Variants in SPHKAP observed in about 807,000 individuals in gnomAD.
SPHKAP encodes the protein A-kinase anchor protein SPHKAP.
Under a neutral mutation model 137.5 loss-of-function variants are expected in SPHKAP, and 67 were observed. The ratio of observed to expected loss-of-function variants is 0.49; its 90% confidence interval spans 0.40 to 0.60. The LOEUF (loss-of-function observed/expected upper bound fraction) is 0.60, where lower values mean the gene tolerates loss of function less well. SPHKAP is among the 20% of genes least tolerant of loss of function. SPHKAP has a pLI of 0.00. For missense variants in SPHKAP, 2,097 were observed against 2,069.3 expected, an observed-to-expected ratio of 1.01 and a Z score of -0.26; for synonymous variants, 813 against 785.3, an observed-to-expected ratio of 1.04 and a Z score of -0.59.
In SPHKAP at chr2:228,085,464, A is replaced by T. The variant is rs566536666; in HGVS notation, c.246+23368T>A. ...TGGAAAAAACGAACAGCATCAATAGACAATTTGGTCTTCTGTCCAGTTGGT... is the reference window on the plus strand; with the variant it reads ...TGGAAAAAACGAACAGCATCAATAGTCAATTTGGTCTTCTGTCCAGTTGGT... On this transcript the variant is annotated intron_variant, in intron 3 of 11. Coordinates refer to ENST00000392056, the MANE Select transcript of SPHKAP (RefSeq NM_001142644.2). Among the ~76,000 whole-genome samples the T allele has an allele frequency of 2.0e-5, 3 of 152,326 alleles. No homozygotes were observed. In the South Asian group the frequency reaches 6.2e-4, roughly 32 times the overall value.
At chr2:228,135,171 G>A (rs1699396588) in intron 1 of SPHKAP, among the ~76,000 whole-genome samples, 2 of 151,782 alleles carry the variant, frequency 1.3e-5, no homozygotes, top group African/African-American at 2.4e-5. Flanking sequence ...CTACTCAGGA[G>A]GCTGAGACAG....
intron 3 of SPHKAP, among the ~76,000 whole-genome samples, chr2:228,030,536 C>CAAAAAAAAAA (rs1263087267): frequency 4.8e-5 from 2 of 41,884 alleles, no homozygotes; most frequent in African/African-American, 1.2e-4. Flanking sequence ...AAAAAAACAA[C>CAAAAAAAAAA]AAAAAACAAA....
intron 11 of SPHKAP, among the ~76,000 whole-genome samples, chr2:227,984,015 G>A (rs1559332083): frequency 6.6e-6 from 1 of 152,116 alleles, no homozygotes; most frequent in Non-Finnish European, 1.5e-5. Flanking sequence ...TAGAATTTCA[G>A]AGAGGCTGGG....
Position 228,019,565 on chromosome 2 carries a change from G to C in SPHKAP, c.1289C>G (p.Pro430Arg). 1 of 1,614,146 alleles carries C rather than the reference G, an allele frequency of 6.2e-7. No individual in the cohort carries two copies. The highest frequency in any genetic ancestry group is 2.2e-5 in the East Asian group (1 of 44,884). ...TGTATCTTTTGTGGAATAGCAACTGGGAAGCAGAGAACTTCCTACAGAAAC... is the reference window on the plus strand; with the variant it reads ...TGTATCTTTTGTGGAATAGCAACTGCGAAGCAGAGAACTTCCTACAGAAAC... ...VSVSVGSSLLPSCYSTKDTVV... is the reference protein window; with the variant it reads ...VSVSVGSSLLRSCYSTKDTVV... Residue 430 changes from proline (P) to arginine (R), a missense_variant, in exon 7 of 12, where the codon CCC (proline) becomes CGC (arginine). By Grantham distance (103) the Pro-to-Arg change is moderately radical. Coordinates refer to ENST00000392056, the MANE Select transcript of SPHKAP (RefSeq NM_001142644.2).
In SPHKAP at chr2:228,007,250, T is replaced by C. The variant is rs77384095; in HGVS notation, c.4448+9156A>G. ...GTACGATACAATAATTTGATATATG[T>C]ATATACTGTGGAATGATTAAATTGG... is the stretch of plus-strand genomic sequence containing the variant. On this transcript the variant is annotated intron_variant, in intron 7 of 11. Coordinates refer to ENST00000392056, the MANE Select transcript of SPHKAP (RefSeq NM_001142644.2). Among the ~76,000 whole-genome samples, 603 of 152,318 alleles carry C rather than the reference T, an allele frequency of 4.0e-3. 4 individuals carry two copies. Among genetic ancestry groups the C allele is most frequent in the African/African-American group, 0.014 (563 of 41,574 alleles).
intron 3 of SPHKAP, among the ~76,000 whole-genome samples, chr2:228,101,260 C>T (rs1698174844): frequency 6.6e-6 from 1 of 152,184 alleles, no homozygotes; most frequent in Non-Finnish European, 1.5e-5. Flanking sequence ...GAACTCAAGC[C>T]ATAATCATTG....
chr2:228,112,690 G>A (rs1486923678), intron 2 of SPHKAP, among the ~76,000 whole-genome samples: 2 of 152,136 alleles, frequency 1.3e-5, no homozygotes, highest in African/African-American at 4.8e-5. Flanking sequence ...TGGGAGAAGA[G>A]CTGGCTACCT....
intron 7 of SPHKAP, among the ~76,000 whole-genome samples, chr2:228,001,480 T>G (rs1382073384): frequency 7.0e-6 from 1 of 143,670 alleles, no homozygotes; most frequent in Non-Finnish European, 1.5e-5. Flanking sequence ...TATAAAAATA[T>G]ATATACGTAT....
chr2:228,098,537 T>C (rs993852388), intron 3 of SPHKAP, among the ~76,000 whole-genome samples: 6 of 151,744 alleles, frequency 4.0e-5, no homozygotes, highest in Non-Finnish European at 8.8e-5. Context: ...CTGCATGTTC[T>C]CACTCATAGG....
chr2:228,016,864 T>C lies in SPHKAP; in HGVS notation c.3990A>G (p.Glu1330=). ...CACCAGAAACAGGCTCAGTGTCAGC[T>C]TCCTCTGCATCATCCACAATGATTT... ...KNKIIVDDAE[E]ADTEPVSGGS... Residue 1330 remains glutamate, a synonymous_variant, in exon 7 of 12, where the codon GAA becomes GAG. Coordinates refer to ENST00000392056, the MANE Select transcript of SPHKAP (RefSeq NM_001142644.2). The C allele has an allele frequency of 6.2e-7, 1 of 1,614,090 alleles. No homozygotes were observed. Among genetic ancestry groups the C allele is most frequent in the Non-Finnish European group, 8.5e-7 (1 of 1,180,018 alleles).
chr2:228,178,681 A>T (rs1700809914), intron 1 of SPHKAP, among the ~76,000 whole-genome samples: 2 of 151,970 alleles, frequency 1.3e-5, no homozygotes, highest in Non-Finnish European at 2.9e-5. Context: ...TTGATGGACT[A>T]CTAGTCAGAA....
chr2:228,109,277 C>T (rs1033193149), intron 2 of SPHKAP: 2 of 739,646 alleles, frequency 2.7e-6, no homozygotes, highest in Non-Finnish European at 1.7e-6. Flanking sequence ...GATCAAATTT[C>T]ATTTAGTGCT....
At chr2:228,132,843 C>CAAAAAAAAAAAAAAAA (rs1313392929) in intron 1 of SPHKAP, among the ~76,000 whole-genome samples, 3 of 126,320 alleles carry the variant, frequency 2.4e-5, no homozygotes, top group African/African-American at 5.8e-5. Context: ...ACTAAAAATA[C>CAAAAAAAAAAAAAAAA]AAAAAAAAAA....
chr2:228,162,447 A>G (rs1202968679), intron 1 of SPHKAP, among the ~76,000 whole-genome samples: 2 of 152,350 alleles, frequency 1.3e-5, no homozygotes, highest in Non-Finnish European at 2.9e-5. Flanking sequence ...GGTAAGCTTT[A>G]TCTTAGTTTA....
chr2:228,097,111 T>C (rs1326597172), intron 3 of SPHKAP, among the ~76,000 whole-genome samples: 2 of 152,212 alleles, frequency 1.3e-5, no homozygotes, highest in Non-Finnish European at 2.9e-5. Context: ...TCAGTATCCT[T>C]GAAGTTTAAA....
intron 2 of SPHKAP, among the ~76,000 whole-genome samples, chr2:228,115,463 T>C (rs1401011930): frequency 6.6e-6 from 1 of 152,154 alleles, no homozygotes; most frequent in Non-Finnish European, 1.5e-5. Context: ...TGGTGCTATC[T>C]GGAACATCTC....
intron 3 of SPHKAP, among the ~76,000 whole-genome samples, chr2:228,072,378 A>T (rs1697031691): frequency 6.6e-6 from 1 of 152,116 alleles, no homozygotes. Flanking sequence ...AATACGAAAA[A>T]TTCAAGAAGG....
chr2:228,030,552 A>AT (rs1695266783), intron 3 of SPHKAP, among the ~76,000 whole-genome samples: 2 of 129,904 alleles, frequency 1.5e-5, no homozygotes, highest in South Asian at 2.8e-4. Context: ...ACAAAAAAAA[A>AT]AAAATAAAAA....
intron 3 of SPHKAP, among the ~76,000 whole-genome samples, chr2:228,047,683 G>A (rs1183227235): frequency 6.6e-6 from 1 of 152,150 alleles, no homozygotes; most frequent in Non-Finnish European, 1.5e-5. Flanking sequence ...GCAGAGCTAG[G>A]TGTGGTATGC....
Sources: allele counts gnomAD v4.1 joint callset (sites outside exome capture counted in the v4.1 genomes callset), GRCh38; gene constraint gnomAD v4.1.1; transcripts MANE v1.5; gene names NCBI Gene and HGNC (gene_info 2026-07-23, HGNC 2026-07-21).